Variants in RGS20 observed in about 807,000 individuals in gnomAD.
RGS20 encodes the protein gz-selective GTPase-activating protein.
Under a neutral mutation model 33.6 loss-of-function variants are expected in RGS20, and 30 were observed. The ratio of observed to expected loss-of-function variants is 0.89; its 90% CI spans 0.67 to 1.21. RGS20 has a LOEUF of 1.21. Among genes scored for constraint, RGS20 ranks in the 50% most tolerant of loss-of-function variants. RGS20 has a pLI of 0.00. For synonymous variants in RGS20, 208 were observed against 197.9 expected, an observed-to-expected ratio of 1.05 and a Z score of -0.43; for missense variants, 472 against 502.4, an observed-to-expected ratio of 0.94 and a Z score of 0.58.
intron 2 of RGS20, among the ~76,000 whole-genome samples, chr8:53,911,348 A>G (rs1188112710): frequency 6.6e-6 from 1 of 152,240 alleles, no homozygotes; most frequent in Non-Finnish European, 1.5e-5. Flanking sequence ...CCTAAAGCCA[A>G]TTCTTTGGAA....
At chr8:53,881,398 G>A (rs1812378991) in intron 2 of RGS20, among the ~76,000 whole-genome samples, 1 of 152,126 alleles carries the variant, frequency 6.6e-6, no homozygotes, top group South Asian at 2.1e-4. Context: ...GGGAACGCGG[G>A]AGTCTAGTCT....
rs532856421 is a variant in RGS20, at chr8:53,929,381, T to A, written c.511-10195T>A. Among the ~76,000 whole-genome samples, 100 of 152,262 alleles carry A rather than the reference T, an allele frequency of 6.6e-4. 1 individual carries two copies. The highest frequency in any genetic ancestry group is 1.8e-3 in the African/African-American group (73 of 41,542). ...AGCTCTCCAGTCTCAAAAATTTTTTTAAAAATGTATAAGAACAGGCCAGGC... is the reference window on the plus strand; with the variant it reads ...AGCTCTCCAGTCTCAAAAATTTTTTAAAAAATGTATAAGAACAGGCCAGGC... On this transcript the variant is annotated intron_variant, in intron 2 of 5. Coordinates refer to ENST00000297313, the MANE Select transcript of RGS20 (RefSeq NM_170587.4).
intron 3 of RGS20, 37 bp downstream of exon 2, chr8:53,939,761 C>A: frequency 6.5e-7 from 1 of 1,533,098 alleles, no homozygotes; most frequent in Non-Finnish European, 8.8e-7. Flanking sequence ...GTGCTCCTGA[C>A]TGGGAAGTGT....
At chr8:53,895,669 G>A (rs931702263) in intron 2 of RGS20, among the ~76,000 whole-genome samples, 2 of 149,898 alleles carry the variant, frequency 1.3e-5, no homozygotes, top group Admixed American at 6.6e-5. Flanking sequence ...TTTTGAGACA[G>A]GGTCTTGTTC....
chr8:53,919,592 CTT>C (rs749181497), intron 2 of RGS20, among the ~76,000 whole-genome samples: 9 of 136,284 alleles, frequency 6.6e-5, no homozygotes, highest in Non-Finnish European at 3.2e-5. Flanking sequence ...AACATTTTTT[CTT>C]TTTTTTTTTT....
At chr8:53,873,477 G>C (rs1296522495) in intron 1 of RGS20, among the ~76,000 whole-genome samples, 1 of 152,046 alleles carries the variant, frequency 6.6e-6, no homozygotes, top group East Asian at 1.9e-4. Context: ...CATATAAATG[G>C]AATCATACAA....
chr8:53,862,439 C>A (rs1007646201), intron 1 of RGS20, among the ~76,000 whole-genome samples: 1 of 152,152 alleles, frequency 6.6e-6, no homozygotes, highest in African/African-American at 2.4e-5. Flanking sequence ...CAGCGTGATG[C>A]AAATCCTGCT....
At chr8:53,936,281 T>A (rs1271316048) in intron 2 of RGS20, among the ~76,000 whole-genome samples, 2 of 152,142 alleles carry the variant, frequency 1.3e-5, no homozygotes, top group African/African-American at 4.8e-5. Flanking sequence ...ATAAATGGTA[T>A]CCAAATAGGA....
intron 2 of RGS20, among the ~76,000 whole-genome samples, chr8:53,935,029 T>G (rs529163727): frequency 1.3e-5 from 2 of 152,162 alleles, no homozygotes; most frequent in African/African-American, 4.8e-5. Flanking sequence ...ATAATGAAAT[T>G]AAGGCAAAAA....
intron 2 of RGS20, among the ~76,000 whole-genome samples, chr8:53,886,289 G>A (rs1241508166): frequency 2.0e-5 from 3 of 152,232 alleles, no homozygotes; most frequent in Admixed American, 2.0e-4. Flanking sequence ...TCTTGGAGAG[G>A]CCATTCACAA....
At chr8:53,857,320 A>G (rs936257898) in intron 1 of RGS20, among the ~76,000 whole-genome samples, 5 of 152,208 alleles carry the variant, frequency 3.3e-5, no homozygotes, top group African/African-American at 7.2e-5. Flanking sequence ...GTGGCTCCAC[A>G]GGCCTTGTGG....
chr8:53,931,552 A>AAACAACAAC lies in RGS20; in HGVS notation c.511-7991_511-7983dup, dbSNP rs147351535. On this transcript the variant is annotated intron_variant, in intron 2 of 5. Transcript: ENST00000297313. ...CCTGGGCAACAAGAGCAAAACTCCA[A>AAACAACAAC]AACAACAACAACAACAACAACAACA... Among the ~76,000 whole-genome samples, 1,309 of 150,698 alleles carry AAACAACAAC rather than the reference A, an allele frequency of 8.7e-3. 4 individuals carry two copies. Among genetic ancestry groups the AAACAACAAC allele is most frequent in the South Asian group, 0.015 (70 of 4,712 alleles).
chr8:53,887,731 C>T (rs1208133456), intron 2 of RGS20, among the ~76,000 whole-genome samples: 1 of 152,216 alleles, frequency 6.6e-6, no homozygotes, highest in Non-Finnish European at 1.5e-5. Flanking sequence ...AATTCCCACA[C>T]TTTAGGAGGC....
At chr8:53,898,455 C>T (rs1251265189) in intron 2 of RGS20, among the ~76,000 whole-genome samples, 1 of 152,184 alleles carries the variant, frequency 6.6e-6, no homozygotes, top group African/African-American at 2.4e-5. Flanking sequence ...TTGCCTTCAC[C>T]ATTACTTCCA....
intron 2 of RGS20, among the ~76,000 whole-genome samples, chr8:53,886,619 A>G (rs1048703199): frequency 4.6e-5 from 7 of 152,192 alleles, no homozygotes; most frequent in African/African-American, 1.7e-4. Context: ...GTTATCTGAT[A>G]GCTTGGCTTC....
chr8:53,942,933 C>T (rs150958195), intron 3 of RGS20, among the ~76,000 whole-genome samples: 1 of 152,050 alleles, frequency 6.6e-6, no homozygotes, highest in African/African-American at 2.4e-5. Context: ...GAGTTCAAGG[C>T]TGCAGTGAGC....
At chr8:53,865,557 A>C (rs955404230) in intron 1 of RGS20, among the ~76,000 whole-genome samples, 1 of 152,242 alleles carries the variant, frequency 6.6e-6, no homozygotes, top group Non-Finnish European at 1.5e-5. Flanking sequence ...GATATTCATT[A>C]AGTACATGTT....
chr8:53,890,599 C>G (rs1812686809), intron 2 of RGS20, among the ~76,000 whole-genome samples: 1 of 152,148 alleles, frequency 6.6e-6, no homozygotes. Flanking sequence ...TCACTTCAGG[C>G]CAGCAGGTAT....
At chr8:53,882,235 A>G (rs995742214) in intron 2 of RGS20, among the ~76,000 whole-genome samples, 1 of 152,112 alleles carries the variant, frequency 6.6e-6, no homozygotes, top group South Asian at 2.1e-4. Context: ...GAGGGGGTCT[A>G]TAGGCGCCGC....
Sources: allele counts gnomAD v4.1 joint callset (sites outside exome capture counted in the v4.1 genomes callset), GRCh38; gene constraint gnomAD v4.1.1; transcripts MANE v1.5; gene names NCBI Gene and HGNC (gene_info 2026-07-23, HGNC 2026-07-21).